The following CSMD1 variants were observed in gnomAD, a reference collection of about 807,000 sequenced individuals.
CSMD1 encodes the protein CUB and Sushi multiple domains 1, also known as CUB and sushi domain-containing protein 1.
A neutral mutation model predicts 417.5 loss-of-function variants in CSMD1; 213 were observed. That is an observed-to-expected ratio of 0.51 (90% confidence interval 0.46 to 0.57). CSMD1 has a LOEUF of 0.57. CSMD1 is among the 20% of genes least tolerant of loss of function. CSMD1 has a pLI of 0.00. For missense variants in CSMD1, 6,923 were observed against 4,529.7 expected (o/e 1.53, Z -15.17); for synonymous variants, 2,862 against 1,736.8 (o/e 1.65, Z -16.11).
intron 2 of CSMD1, among the ~76,000 whole-genome samples, chr8:4,576,035 G>C (rs551034138): frequency 2.0e-5 from 3 of 152,204 alleles, no homozygotes; most frequent in Admixed American, 6.5e-5. Context: ...ATTATTTACT[G>C]CATTATCTTT....
At chr8:3,650,711 G>C (rs2117379478) in intron 7 of CSMD1, among the ~76,000 whole-genome samples, 1 of 152,272 alleles carries the variant, frequency 6.6e-6, no homozygotes, top group East Asian at 1.9e-4. Context: ...CTCAAAGAAA[G>C]GGCATCAACG....
chr8:3,678,122 G>T (rs555440707), intron 7 of CSMD1, among the ~76,000 whole-genome samples: 1 of 152,134 alleles, frequency 6.6e-6, no homozygotes, highest in Admixed American at 6.6e-5. Context: ...CAGAAGACAG[G>T]TGATTTCTGC....
chr8:4,005,353 G>A (rs1816028008), intron 4 of CSMD1, among the ~76,000 whole-genome samples: 1 of 152,172 alleles, frequency 6.6e-6, no homozygotes, highest in South Asian at 2.1e-4. Context: ...AAAACGTAAT[G>A]CAGGGGCGGG....
chr8:3,812,527 G>T (rs977853631), intron 5 of CSMD1, among the ~76,000 whole-genome samples: 4 of 152,324 alleles, frequency 2.6e-5, no homozygotes, highest in Middle Eastern at 3.4e-3. Flanking sequence ...GTGGGGAAGA[G>T]TTCAAAAGCT....
chr8:4,037,833 TTAATA>T (rs1752405081), intron 3 of CSMD1, among the ~76,000 whole-genome samples: 1 of 152,032 alleles, frequency 6.6e-6, no homozygotes, highest in South Asian at 2.1e-4. Context: ...TATATAAATA[TTAATA>T]TATTATAAAG....
intron 5 of CSMD1, among the ~76,000 whole-genome samples, chr8:3,761,466 GTT>G (rs1325397939): frequency 6.9e-6 from 1 of 144,400 alleles, no homozygotes; most frequent in Non-Finnish European, 1.5e-5. Flanking sequence ...CCACAGAAGA[GTT>G]TTCATTCAAC....
chr8:4,115,679 G>A (rs190983489), intron 3 of CSMD1, among the ~76,000 whole-genome samples: 23 of 152,192 alleles, frequency 1.5e-4, no homozygotes, highest in East Asian at 3.9e-4. Flanking sequence ...ATTTGGAAGC[G>A]ACCAAGGTGC....
rs148608301 is a variant in CSMD1, at chr8:3,427,136, A to T, written c.1562-17531T>A. 2.0e-5 allele frequency among the ~76,000 whole-genome samples: 3 copies of T among 152,320 alleles called. No homozygotes were observed. The East Asian group carries it at 5.8e-4, about 29-fold the overall frequency. On this transcript the variant is annotated intron_variant, in intron 12 of 69. Coordinates refer to ENST00000635120, the MANE Select transcript of CSMD1 (RefSeq NM_033225.6). ...TTGGCCTCTCCTTTGACACAAGAAG[A>T]TTATGGGGATCATAGGGACTAAAAA...
intron 22 of CSMD1, among the ~76,000 whole-genome samples, chr8:3,346,692 G>A (rs156079): frequency 2.0e-5 from 3 of 152,002 alleles, no homozygotes; most frequent in Non-Finnish European, 1.5e-5. Context: ...CCCGGCGGGG[G>A]CTCCATTCCA....
intron 26 of CSMD1, among the ~76,000 whole-genome samples, chr8:3,274,647 C>T (rs918021825): frequency 9.2e-5 from 14 of 151,964 alleles, no homozygotes; most frequent in South Asian, 4.2e-4. Flanking sequence ...GATAGTTAGC[C>T]CTTCTTGTTG....
chr8:4,419,012 C>G (rs1217532), intron 3 of CSMD1, among the ~76,000 whole-genome samples: 138,869 of 152,234 alleles, frequency 0.91, 63,458 homozygotes, highest in East Asian at 1. Context: ...ACTACAGCCA[C>G]CCATTTGCAC....
chr8:4,629,629 A>G (rs1802387745), intron 2 of CSMD1, among the ~76,000 whole-genome samples: 1 of 152,172 alleles, frequency 6.6e-6, no homozygotes. Context: ...TGTGATTTCT[A>G]AATTACGTGT....
chr8:4,386,793 T>TA, intron 3 of CSMD1, among the ~76,000 whole-genome samples: 2 of 152,104 alleles, frequency 1.3e-5, no homozygotes, highest in Middle Eastern at 3.4e-3. Context: ...AGAGATACAA[T>TA]AAAAAAATAT....
intron 3 of CSMD1, among the ~76,000 whole-genome samples, chr8:4,094,953 G>C (rs775810017): frequency 6.6e-6 from 1 of 152,190 alleles, no homozygotes. Flanking sequence ...GGAATGGGGA[G>C]ATAGTGAATA....
intron 2 of CSMD1, among the ~76,000 whole-genome samples, chr8:4,527,592 A>C (rs1256618768): frequency 4.6e-5 from 7 of 152,150 alleles, no homozygotes; most frequent in African/African-American, 1.4e-4. Flanking sequence ...TCTTGTGCTT[A>C]AGAAGTTGGT....
intron 2 of CSMD1, among the ~76,000 whole-genome samples, chr8:4,434,076 G>A (rs374668330): frequency 1.2e-4 from 18 of 152,234 alleles, no homozygotes; most frequent in South Asian, 4.1e-4. Context: ...TGGGACTCAC[G>A]CCTGTGATCC....
intron 3 of CSMD1, among the ~76,000 whole-genome samples, chr8:4,079,265 T>C (rs77778346): frequency 0.016 from 2,485 of 152,254 alleles, 38 homozygotes; most frequent in Non-Finnish European, 0.027. Flanking sequence ...GAATAAAGTA[T>C]AGGAGTTTAT....
At chr8:4,321,702 T>C (rs1013239580) in intron 3 of CSMD1, among the ~76,000 whole-genome samples, 1 of 152,202 alleles carries the variant, frequency 6.6e-6, no homozygotes, top group African/African-American at 2.4e-5. Context: ...TAGGAATCAA[T>C]GTCTTTGTTG....
At chr8:4,470,564 G>C (rs565069007) in intron 2 of CSMD1, among the ~76,000 whole-genome samples, 1 of 152,182 alleles carries the variant, frequency 6.6e-6, no homozygotes, top group Non-Finnish European at 1.5e-5. Flanking sequence ...GATTCAGAGT[G>C]AATGTACAAC....
Sources: allele counts gnomAD v4.1 joint callset (sites outside exome capture counted in the v4.1 genomes callset), GRCh38; gene constraint gnomAD v4.1.1; transcripts MANE v1.5; gene names NCBI Gene and HGNC (gene_info 2026-07-23, HGNC 2026-07-21).